SGCD: variants seen among roughly 807,000 people sequenced by gnomAD.
SGCD encodes the protein sarcoglycan delta, also known as delta-sarcoglycan.
SGCD carries 18 observed loss-of-function variants against 36.6 expected under a neutral mutation model. The ratio of observed to expected loss-of-function variants is 0.49; its 90% confidence interval spans 0.34 to 0.73. SGCD has a LOEUF of 0.73. SGCD is among the 30% of genes least tolerant of loss of function. The pLI, the probability that SGCD is intolerant of heterozygous loss-of-function variation, is 0.01. For missense variants in SGCD, 387 were observed against 346.7 expected (o/e 1.12, Z -0.92); for synonymous variants, 133 against 130.6 (o/e 1.02, Z -0.12).
At chr5:155,789,078 C>T in the SGCD span, among the ~76,000 whole-genome samples, 1 of 152,092 alleles carries the variant, frequency 6.6e-6, no homozygotes, top group Non-Finnish European at 1.5e-5. Flanking sequence ...GTTTCTGTTA[C>T]TGTTGATAAT....
intron 3 of SGCD, among the ~76,000 whole-genome samples, chr5:156,224,895 G>A (rs1764811313): frequency 1.3e-5 from 2 of 152,058 alleles, no homozygotes; most frequent in Admixed American, 6.6e-5. Context: ...AGATAAAGTA[G>A]ACAAAATCTT....
At chr5:156,075,463 T>A (rs1430376594) in intron 1 of SGCD, among the ~76,000 whole-genome samples, 1 of 152,320 alleles carries the variant, frequency 6.6e-6, no homozygotes, top group Middle Eastern at 3.4e-3. Context: ...GGGATTTTGA[T>A]CTTTCAAGAT....
intron 3 of SGCD, among the ~76,000 whole-genome samples, chr5:156,411,930 A>C (rs953566093): frequency 6.6e-6 from 1 of 152,204 alleles, no homozygotes. Context: ...TTCCTACCTG[A>C]CAGCCAGAAA....
intron 1 of SGCD, among the ~76,000 whole-genome samples, chr5:155,946,373 A>T (rs537548529): frequency 1.3e-5 from 2 of 152,284 alleles, no homozygotes; most frequent in South Asian, 4.1e-4. Flanking sequence ...TAGGGCAGAG[A>T]CTGAATTTGA....
the SGCD span, among the ~76,000 whole-genome samples, chr5:155,800,782 T>A: frequency 1.3e-5 from 2 of 152,132 alleles, no homozygotes; most frequent in East Asian, 3.9e-4. Flanking sequence ...CTCCATTTGT[T>A]CCCTTTTCTC....
chr5:156,023,855 A>G (rs1225462493), intron 1 of SGCD, among the ~76,000 whole-genome samples: 1 of 151,952 alleles, frequency 6.6e-6, no homozygotes, highest in Non-Finnish European at 1.5e-5. Flanking sequence ...CTCAACTTCT[A>G]CTCTGCAATT....
the SGCD span, among the ~76,000 whole-genome samples, chr5:155,795,372 A>G: frequency 6.6e-6 from 1 of 152,144 alleles, no homozygotes; most frequent in African/African-American, 2.4e-5. Context: ...TTGGATGAGT[A>G]TAAATCAAAT....
intron 4 of SGCD, among the ~76,000 whole-genome samples, chr5:156,575,835 G>A (rs1759920736): frequency 6.6e-6 from 1 of 152,108 alleles, no homozygotes; most frequent in South Asian, 2.1e-4. Context: ...ACTTCTCAGA[G>A]CAAATAAAAT....
In SGCD at chr5:156,637,156, C is replaced by T. The variant is rs577301479; in HGVS notation, c.503-10308C>T. 2.6e-5 allele frequency among the ~76,000 whole-genome samples: 4 copies of T among 152,136 alleles called. No homozygotes were observed. The South Asian group carries it at 8.3e-4, about 32-fold the overall frequency. On this transcript the variant is annotated intron_variant, in intron 6 of 8. Transcript: ENST00000337851. ...TGACATCTGATGGTTTTTTAAGGGG[C>T]TTTTCCCCATTTTGCTCAGCACTTC...
chr5:155,772,979 G>A, the SGCD span, among the ~76,000 whole-genome samples: 1 of 152,060 alleles, frequency 6.6e-6, no homozygotes, highest in African/African-American at 2.4e-5. Context: ...GTTACCTCTA[G>A]TACTACTACT....
rs1032388291 is a variant in SGCD at position 156,013,854 on chromosome 5, A to T, written c.-281-104024A>T. Among the ~76,000 whole-genome samples the T allele has an allele frequency of 2.0e-5, 3 of 152,016 alleles. No individual in the cohort carries two copies. The South Asian group carries it at 6.2e-4, about 32-fold the overall frequency. On this transcript the variant is annotated intron_variant, in intron 1 of 9. Transcript: ENST00000517913. ...TTATCATTTGTTTTTATTTTTTAAG[A>T]GACACTCCTAATTCTTAATTTAGGT...
chr5:156,635,987 TAACA>T (rs1762815074), intron 6 of SGCD, among the ~76,000 whole-genome samples: 1 of 152,020 alleles, frequency 6.6e-6, no homozygotes, highest in Non-Finnish European at 1.5e-5. Context: ...TATACATATG[TAACA>T]AACCTGCCGG....
chr5:156,579,519 G>C (rs577972241), intron 4 of SGCD, among the ~76,000 whole-genome samples: 191 of 152,232 alleles, frequency 1.3e-3, no homozygotes, highest in African/African-American at 4.6e-3. Flanking sequence ...GGGTGTTAAA[G>C]TATCCCATTA....
chr5:156,519,559 CAACA>C (rs1208578888), intron 4 of SGCD, among the ~76,000 whole-genome samples: 1 of 151,810 alleles, frequency 6.6e-6, no homozygotes, highest in African/African-American at 2.4e-5. Flanking sequence ...AGGAGAGATA[CAACA>C]AAAAAAGAAA....
intron 3 of SGCD, among the ~76,000 whole-genome samples, chr5:156,380,678 T>C (rs1770928983): frequency 6.6e-6 from 1 of 152,210 alleles, no homozygotes; most frequent in Non-Finnish European, 1.5e-5. Flanking sequence ...ATTAAATATG[T>C]CTGTAAACTC....
At chr5:155,887,472 A>G (rs1038644357) in intron 1 of SGCD, among the ~76,000 whole-genome samples, 3 of 152,116 alleles carry the variant, frequency 2.0e-5, no homozygotes, top group Non-Finnish European at 4.4e-5. Context: ...GCATCCTGGA[A>G]CTTCTCTTGC....
intron 1 of SGCD, among the ~76,000 whole-genome samples, chr5:155,952,320 G>A (rs146571836): frequency 2.6e-4 from 40 of 152,112 alleles, no homozygotes; most frequent in African/African-American, 7.7e-4. Context: ...ATTATACTGC[G>A]TCAAAGTGGA....
rs1476470827 is a variant in SGCD at position 156,763,218 on chromosome 5, C to T, written c.*3828C>T. 6.6e-6 allele frequency: 1 copy of T among 152,658 alleles called. No homozygotes were observed. Among genetic ancestry groups the T allele is most frequent in the Non-Finnish European group, 1.5e-5 (1 of 68,068 alleles). The allele number at this position is 152,658 out of a possible 1,614,324, so 9.5% of individuals were successfully genotyped here. On this transcript the variant is annotated 3_prime_UTR_variant, in exon 9 of 9. Coordinates refer to ENST00000337851, the MANE Select transcript of SGCD (RefSeq NM_000337.6). ...AGAATCTGTTTCCTGTAGGCTCTTT[C>T]TGCTGTCTATATTCATTAAAGTTTT...
At chr5:156,313,166 A>G (rs958122487) in intron 3 of SGCD, among the ~76,000 whole-genome samples, 1 of 151,932 alleles carries the variant, frequency 6.6e-6, no homozygotes, top group Non-Finnish European at 1.5e-5. Context: ...GTTGACTGAC[A>G]TCACATCCAT....
Sources: gnomAD v4.1 joint callset for allele counts (sites outside exome capture counted in the v4.1 genomes callset) on GRCh38, gnomAD v4.1.1 for gene constraint, MANE v1.5 for transcripts, NCBI Gene and HGNC (gene_info 2026-07-23, HGNC 2026-07-21) for gene names.